The following IZUMO1 variants were observed in gnomAD, a reference collection of about 807,000 sequenced individuals.
IZUMO1 encodes izumo sperm-egg fusion protein 1.
A neutral mutation model predicts 40.7 loss-of-function variants in IZUMO1; 44 were observed. The observed-to-expected ratio is 1.08, with a 90% CI of 0.85 to 1.39. The LOEUF is 1.39. Among genes scored for constraint, IZUMO1 ranks in the 40% most tolerant of loss-of-function variants. The pLI is 0.00. For synonymous variants in IZUMO1, 149 were observed against 170.9 expected (o/e 0.87, Z 1.00); for missense variants, 368 against 436.9 (o/e 0.84, Z 1.41).
chr19:48,745,160 C>G, intron 3 of IZUMO1, 54 bp downstream of exon 3: 2 of 1,453,830 alleles, frequency 1.4e-6, no homozygotes, highest in South Asian at 2.3e-5. Flanking sequence ...CCAGGCATCA[C>G]TAACGCTGGC....
Position 48,745,759 on chromosome 19 carries a change from T to A in IZUMO1, c.101A>T (p.Lys34Met). 1 of 1,614,216 alleles carries A rather than the reference T, an allele frequency of 6.2e-7. No individual in the cohort carries two copies. The highest frequency in any genetic ancestry group is 8.5e-7 in the Non-Finnish European group (1 of 1,180,040). ...ICDPSVVLAL[K>M]SLEKDYLPGH... is the part of the protein sequence containing the mutation. ...AGGCAGGTAATCTTTCTCCAGGGAC[T>A]TTAGCGCCAGCACGACAGACGGGTC... The change falls in exon 2 of 10, where the codon AAG (lysine) becomes ATG (methionine). Residue 34 changes from lysine (K) to methionine (M), a missense_variant. Physicochemically the swap from Lys to Met is moderately conservative, Grantham distance 95 (BLOSUM62 -1). Coordinates refer to ENST00000332955, the MANE Select transcript of IZUMO1 (RefSeq NM_182575.3).
chr19:48,745,904 T>C lies in IZUMO1; in HGVS notation c.-45A>G. 6.2e-7 allele frequency: 1 copy of C among 1,608,362 alleles called. No individual in the cohort carries two copies. Among genetic ancestry groups the C allele is most frequent in the Admixed American group, 1.7e-5 (1 of 59,752 alleles). On this transcript the variant is annotated 5_prime_UTR_variant, in exon 2 of 10. Coordinates refer to ENST00000332955, the MANE Select transcript of IZUMO1 (RefSeq NM_182575.3). Reference sequence around the variant, plus strand: ...TCCCGAAGACCGTTAGGAAGGGTGCTCTCACCCCAAACCGAGAGCAGGAGA... The same window carrying C: ...TCCCGAAGACCGTTAGGAAGGGTGCCCTCACCCCAAACCGAGAGCAGGAGA...
Position 48,741,743 on chromosome 19 carries a change from T to C in IZUMO1, c.754+46A>G. On this transcript the variant is annotated intron_variant, in intron 8 of 9. Coordinates refer to ENST00000332955, the MANE Select transcript of IZUMO1 (RefSeq NM_182575.3). This position sits in a 1 kb window ranked among gnomAD's most constrained non-coding sequence, Gnocchi z 4.4. ...ACGCCCCCGCCGCGGACCCCAGCTT[T>C]CCTGGGCCCTGAATCCTACACTTCT... The C allele has an allele frequency of 2.0e-6, 3 of 1,513,252 alleles. No homozygotes were observed. The highest frequency in any genetic ancestry group is 1.8e-6 in the Non-Finnish European group (2 of 1,128,062). 93.7% of individuals were successfully genotyped at this position (1,513,252 alleles called of 1,614,324 possible).
At chr19:48,742,723 C>CTT in intron 6 of IZUMO1, among the ~76,000 whole-genome samples, 1 of 112,548 alleles carries the variant, frequency 8.9e-6, no homozygotes, top group Admixed American at 1.0e-4. Flanking sequence ...CTTTCTCTCT[C>CTT]TCTTTTTTTT....
intron 6 of IZUMO1, 88 bp downstream of exon 6, chr19:48,743,357 C>A (rs2033779046): frequency 7.9e-7 from 1 of 1,262,242 alleles, no homozygotes; most frequent in African/African-American, 1.5e-5. Flanking sequence ...ACTGCCCCCA[C>A]ACCCCCATCT....
chr19:48,746,645 G>GC lies in IZUMO1; in HGVS notation c.-285dup. 1 of 985,468 alleles carries GC rather than the reference G, an allele frequency of 1.0e-6. No homozygotes were observed. Among genetic ancestry groups the GC allele is most frequent in the Non-Finnish European group, 1.2e-6 (1 of 829,950 alleles). 61.0% of individuals were successfully genotyped at this position (985,468 alleles called of 1,614,324 possible). On this transcript the variant is annotated 5_prime_UTR_variant, in exon 1 of 10. The change creates a premature stop within an existing upstream ORF in the 5' untranslated region. Coordinates refer to ENST00000332955, the MANE Select transcript of IZUMO1 (RefSeq NM_182575.3). ...CCCCGACCTTGGTTCCCGATTTGTGGCCTCTAACACTAGGGTTCATTGAGG... is the reference window on the plus strand; with the variant it reads ...CCCCGACCTTGGTTCCCGATTTGTGGCCCTCTAACACTAGGGTTCATTGAGG...
chr19:48,743,607 A>G, intron 5 of IZUMO1, 82 bp from the exon 6 acceptor site: 1 of 1,103,656 alleles, frequency 9.1e-7, no homozygotes, highest in Non-Finnish European at 1.4e-6. Flanking sequence ...GGCTGGGGCC[A>G]GATCATCTAT....
intron 3 of IZUMO1, 29 bp from the exon 4 acceptor site, chr19:48,744,568 A>C: frequency 1.3e-6 from 2 of 1,514,850 alleles, no homozygotes; most frequent in South Asian, 2.3e-5. Context: ...CCCCAATCCC[A>C]CGTGTGAGGT....
chr19:48,745,660 A>T lies in IZUMO1; in HGVS notation c.200T>A (p.Leu67Gln), dbSNP rs141352192. 10 of 1,614,028 alleles carry T rather than the reference A, an allele frequency of 6.2e-6. No individual in the cohort carries two copies. In the Middle Eastern group the frequency reaches 4.9e-4, roughly 80 times the overall value. The change falls in exon 2 of 10, where the codon CTG (leucine) becomes CAG (glutamine). Residue 67 changes from leucine (L) to glutamine (Q), a missense_variant. Transcript: ENST00000332955. ...CATATAGGCATCCTCATTAAGCGACAGTTCCTGGAAATCCTTCACGGCATT... is the reference window on the plus strand; with the variant it reads ...CATATAGGCATCCTCATTAAGCGACTGTTCCTGGAAATCCTTCACGGCATT... ...VENAVKDFQE[L>Q]SLNEDAYMGV...
rs2307018 is a variant in IZUMO1 at position 48,740,962 on chromosome 19, C to A, written c.999G>T (p.Ala333=). The A allele has an allele frequency of 0.45, 719,752 of 1,612,942 alleles. 166,374 individuals are homozygous for A. Among genetic ancestry groups the A allele is most frequent in the East Asian group, 0.83 (37,216 of 44,834 alleles). The change falls in exon 10 of 10, where the codon GCG becomes GCT. Residue 333 remains alanine, a synonymous_variant. Coordinates refer to ENST00000332955, the MANE Select transcript of IZUMO1 (RefSeq NM_182575.3). The surrounding 1 kb of genome is among the most constrained non-coding windows in gnomAD (Gnocchi z 5.5). ...CTTTTGGGACCTGGGTTTGCTCGGCCGCTCCACTGCCAAGGCCAAACAGTG... is the reference window on the plus strand; with the variant it reads ...CTTTTGGGACCTGGGTTTGCTCGGCAGCTCCACTGCCAAGGCCAAACAGTG... ...KSSLFGLGSG[A]AEQTQVPKEK...
intron 6 of IZUMO1, chr19:48,742,893 A>G (rs572509090): frequency 6.5e-6 from 1 of 152,808 alleles, no homozygotes; most frequent in Admixed American, 6.5e-5. Context: ...TGTCTGGCTA[A>G]TTTTTTTGTA....
chr19:48,745,093 G>C (rs2033839421), intron 3 of IZUMO1, 121 bp downstream of exon 3: 2 of 785,878 alleles, frequency 2.5e-6, no homozygotes, highest in Non-Finnish European at 2.2e-6. Flanking sequence ...GGAAGTGGCA[G>C]AGCAGGCATT....
rs748383891 is a variant in IZUMO1, at chr19:48,745,193, C to T, written c.310+21G>A. On this transcript the variant is annotated intron_variant, in intron 3 of 9. Coordinates refer to ENST00000332955, the MANE Select transcript of IZUMO1 (RefSeq NM_182575.3). Reference sequence around the variant, plus strand: ...GGCTTCTCTGAGAGATTCGGGACTCCCACCCCCTTGATGCATTTACCTTTT... The same window carrying T: ...GGCTTCTCTGAGAGATTCGGGACTCTCACCCCCTTGATGCATTTACCTTTT... 5 of 1,604,600 alleles carry T rather than the reference C, an allele frequency of 3.1e-6. No individual in the cohort carries two copies. In the South Asian group the frequency reaches 4.4e-5, roughly 14 times the overall value.
At chr19:48,746,154 T>G (rs896376520) in intron 1 of IZUMO1, 1 of 1,250,544 alleles carries the variant, frequency 8.0e-7, no homozygotes, top group Non-Finnish European at 1.0e-6. Flanking sequence ...GAAAAACTAT[T>G]AAACAGGAAT....
In IZUMO1 at chr19:48,741,715, G is replaced by A. The variant is rs969337337; in HGVS notation, c.754+74C>T. ...AGGAAGTCACGCCCCCATCGCCAAG[G>A]CCACGCCCCCGCCGCGGACCCCAGC... On this transcript the variant is annotated intron_variant, in intron 8 of 9. Coordinates refer to ENST00000332955, the MANE Select transcript of IZUMO1 (RefSeq NM_182575.3). This position sits in a 1 kb window ranked among gnomAD's most constrained non-coding sequence, Gnocchi z 4.4. The A allele has an allele frequency of 8.8e-6, 13 of 1,478,704 alleles. No individual in the cohort carries two copies. Among genetic ancestry groups the A allele is most frequent in the Middle Eastern group, 1.8e-4 (1 of 5,544 alleles). The allele number at this position is 1,478,704 out of a possible 1,614,324, so 91.6% of individuals were successfully genotyped here. A position where few individuals can be genotyped will look rare whatever the true frequency, so the allele number is the denominator to read the frequency against.
Position 48,741,989 on chromosome 19 carries a change from T to C in IZUMO1, c.601-47A>G, listed in dbSNP as rs781608327. 5 of 1,554,246 alleles carry C rather than the reference T, an allele frequency of 3.2e-6. No individual in the cohort carries two copies. The highest frequency in any genetic ancestry group is 4.4e-6 in the Non-Finnish European group (5 of 1,146,280). On this transcript the variant is annotated intron_variant, in intron 7 of 9. Transcript: ENST00000332955. This position sits in a 1 kb window ranked among gnomAD's most constrained non-coding sequence, Gnocchi z 4.4. ...CACTGAGGCCTGAGGAATTCAGGGGTTGGGGGAGTACAGGGGTGAGAAGAT... is the reference window on the plus strand; with the variant it reads ...CACTGAGGCCTGAGGAATTCAGGGGCTGGGGGAGTACAGGGGTGAGAAGAT...
At chr19:48,744,238 G>C in intron 4 of IZUMO1, 43 bp from the exon 5 acceptor site, 1 of 1,591,330 alleles carries the variant, frequency 6.3e-7, no homozygotes, top group Non-Finnish European at 8.6e-7. Flanking sequence ...AGAGATGACA[G>C]AGTCAGATTT....
Position 48,741,559 on chromosome 19 carries a change from G to A in IZUMO1, c.755-81C>T, listed in dbSNP as rs768184913. On this transcript the variant is annotated intron_variant, in intron 8 of 9. Coordinates refer to ENST00000332955, the MANE Select transcript of IZUMO1 (RefSeq NM_182575.3). The surrounding 1 kb of genome is among the most constrained non-coding windows in gnomAD (Gnocchi z 4.4). ...CAAAGACAAGCCCGTCCCAGTAGCC[G>A]GCCATCCCAGAGATAATCACGCCTT... 80 of 1,454,186 alleles carry A rather than the reference G, an allele frequency of 5.5e-5. 1 individual carries two copies. The highest frequency in any genetic ancestry group is 8.4e-5 in the African/African-American group (6 of 71,238). The allele number at this position is 1,454,186 out of a possible 1,614,324, so 90.1% of individuals were successfully genotyped here. A position where few individuals can be genotyped will look rare whatever the true frequency, so the allele number is the denominator to read the frequency against.
chr19:48,745,342 C>G, intron 2 of IZUMO1, 54 bp from the exon 3 acceptor site: 2 of 1,514,796 alleles, frequency 1.3e-6, no homozygotes, highest in South Asian at 2.2e-5. Flanking sequence ...ATTGGCGCGC[C>G]TAATCTTAGA....
Sources: allele counts gnomAD v4.1 joint callset (sites outside exome capture counted in the v4.1 genomes callset), GRCh38; gene constraint gnomAD v4.1.1; non-coding constraint Gnocchi (gnomAD v3.1); transcripts MANE v1.5; gene names NCBI Gene and HGNC (gene_info 2026-07-23, HGNC 2026-07-21).